PCDHA3: variants seen among roughly 807,000 people sequenced by gnomAD.
PCDHA3 encodes protocadherin alpha 3, also known as protocadherin alpha-3.
Under a neutral mutation model 62.2 loss-of-function variants are expected in PCDHA3, and 41 were observed. The ratio of observed to expected loss-of-function variants is 0.66; its 90% CI spans 0.51 to 0.86. The LOEUF is 0.86. Among genes scored for constraint, PCDHA3 ranks in the 40% least tolerant of loss-of-function variants. The pLI is 0.00. For missense variants in PCDHA3, 1,304 were observed against 1,241.2 expected, an observed-to-expected ratio of 1.05 and a Z score of -0.76; for synonymous variants, 640 against 555.4, an observed-to-expected ratio of 1.15 and a Z score of -2.14.
At chr5:140,821,734 G>A in intron 1 of PCDHA3, 5 of 1,534,086 alleles carry the variant, frequency 3.3e-6, no homozygotes, top group Non-Finnish European at 4.4e-6. Flanking sequence ...AATACATTGT[G>A]TGGTGATGCA....
chr5:140,801,300 G>C lies in PCDHA3; in HGVS notation c.103G>C (p.Val35Leu), dbSNP rs1554121379. ...GGGGAGCGGCCAGCTCCACTACTCC[G>C]TCTCTGAGGAGGCCAAGCATGGCAC... is the stretch of plus-strand genomic sequence containing the variant. ...EVGSGQLHYS[V>L]SEEAKHGTFV... The change falls in exon 1 of 4, where the codon GTC (valine) becomes CTC (leucine). Residue 35 changes from valine to leucine, a missense_variant. Val to Leu is a conservative substitution (Grantham distance 32). Coordinates refer to ENST00000522353, the MANE Select transcript of PCDHA3 (RefSeq NM_018906.3). 6.2e-7 allele frequency: 1 copy of C among 1,613,456 alleles called. No individual in the cohort carries two copies. The highest frequency in any genetic ancestry group is 8.5e-7 in the Non-Finnish European group (1 of 1,179,926).
At chr5:140,898,701 A>G (rs1216294301) in intron 1 of PCDHA3, among the ~76,000 whole-genome samples, 2 of 152,102 alleles carry the variant, frequency 1.3e-5, no homozygotes, top group African/African-American at 4.8e-5. Context: ...ATGAACTTTA[A>G]AGTAGTTTTT....
At chr5:140,842,005 G>T in intron 1 of PCDHA3, 1 of 1,613,756 alleles carries the variant, frequency 6.2e-7, no homozygotes, top group Admixed American at 1.7e-5. Flanking sequence ...CTGTTCAGCT[G>T]CTGGTCACAG....
At chr5:140,937,836 T>C (rs2091788765) in intron 1 of PCDHA3, among the ~76,000 whole-genome samples, 1 of 150,366 alleles carries the variant, frequency 6.7e-6, no homozygotes, top group Non-Finnish European at 1.5e-5. Flanking sequence ...GGCATGAACC[T>C]GGAAGGCGGA....
At position 140,882,350 on chromosome 5, in the gene PCDHA3, A is replaced by G. The variant is rs782733540; in HGVS notation, c.2394+78759A>G. ...GATCCTCGCAGCCTGGGAGACGGGT[A>G]GTGGCCAGCTCCACTACTCCGTCCC... is the stretch of plus-strand genomic sequence containing the variant. On this transcript the variant is annotated intron_variant, in intron 1 of 3. Transcript: ENST00000522353. The G allele has an allele frequency of 1.9e-6, 3 of 1,614,176 alleles. No individual in the cohort carries two copies. In the Admixed American group the frequency reaches 5.0e-5, roughly 27 times the overall value.
chr5:141,003,057 TCCA>T (rs2098109750), intron 3 of PCDHA3, among the ~76,000 whole-genome samples: 1 of 152,194 alleles, frequency 6.6e-6, no homozygotes, highest in African/African-American at 2.4e-5. Context: ...ACAGAACAGT[TCCA>T]AATGCAGATG....
At chr5:140,820,574 T>A (rs1766784523) in intron 1 of PCDHA3, among the ~76,000 whole-genome samples, 1 of 152,082 alleles carries the variant, frequency 6.6e-6, no homozygotes. Flanking sequence ...TGCCCATATT[T>A]ATTAAGTGAA....
At chr5:140,870,277 G>T (rs367959983) in intron 1 of PCDHA3, 4 of 1,614,168 alleles carry the variant, frequency 2.5e-6, no homozygotes, top group Non-Finnish European at 3.4e-6. Context: ...GACGCCCCAC[G>T]TTCCCTTCAA....
At chr5:140,927,395 A>G (rs782188555) in intron 1 of PCDHA3, 3 of 1,614,194 alleles carry the variant, frequency 1.9e-6, no homozygotes, top group South Asian at 2.2e-5. Context: ...CCCAGTCAGC[A>G]CTTTCGCCTG....
At chr5:140,891,428 C>G (rs2063097176) in intron 1 of PCDHA3, among the ~76,000 whole-genome samples, 1 of 149,620 alleles carries the variant, frequency 6.7e-6, no homozygotes, top group Admixed American at 6.7e-5. Flanking sequence ...CCCCAAGTCC[C>G]CAACGTCCAT....
At chr5:140,831,544 T>A (rs2150108470) in intron 1 of PCDHA3, among the ~76,000 whole-genome samples, 1 of 122,808 alleles carries the variant, frequency 8.1e-6, no homozygotes, top group Non-Finnish European at 1.7e-5. Flanking sequence ...TTTTTTTTTT[T>A]AAGAGATGGG....
chr5:140,935,501 A>G (rs1337847677), intron 1 of PCDHA3, among the ~76,000 whole-genome samples: 1 of 152,250 alleles, frequency 6.6e-6, no homozygotes, highest in East Asian at 1.9e-4. Context: ...GCACATCCTT[A>G]CAAATGCCCA....
intron 1 of PCDHA3, chr5:140,827,870 T>A: frequency 1.6e-6 from 1 of 629,348 alleles, no homozygotes; most frequent in Non-Finnish European, 2.7e-6. Flanking sequence ...GGTATAGCAC[T>A]GTTACGTGAA....
intron 2 of PCDHA3, 155 bp downstream of exon 2, chr5:140,979,162 T>C: frequency 2.1e-6 from 2 of 975,444 alleles, no homozygotes; most frequent in Non-Finnish European, 2.4e-6. Context: ...TGTTTATTCC[T>C]TGAAAGATCG....
chr5:140,992,017 C>CTGTG (rs10602499), intron 3 of PCDHA3, among the ~76,000 whole-genome samples: 5,022 of 145,578 alleles, frequency 0.034, 175 homozygotes, highest in African/African-American at 0.093. Context: ...AGAGGTGGCT[C>CTGTG]TGTGTGTGTG....
At chr5:140,823,678 T>A in intron 1 of PCDHA3, 1 of 1,613,954 alleles carries the variant, frequency 6.2e-7, no homozygotes, top group South Asian at 1.1e-5. Flanking sequence ...CACAACACGC[T>A]CTCTGGATGA....
chr5:140,877,674 G>C, intron 1 of PCDHA3: 2 of 1,613,630 alleles, frequency 1.2e-6, no homozygotes, highest in East Asian at 4.5e-5. Context: ...GGTGCGCGCC[G>C]GGCAAGCCCA....
chr5:140,947,543 G>A (rs1013985097), intron 1 of PCDHA3, among the ~76,000 whole-genome samples: 1 of 151,548 alleles, frequency 6.6e-6, no homozygotes, highest in African/African-American at 2.4e-5. Context: ...TTTCTACAAA[G>A]AATTCCGCTG....
chr5:140,929,580 T>A (rs1035039235), intron 1 of PCDHA3: 13 of 442,122 alleles, frequency 2.9e-5, no homozygotes, highest in African/African-American at 1.0e-4. Context: ...AAAAGTAATA[T>A]GACATAAAGG....
Sources: gnomAD v4.1 joint callset for allele counts (sites outside exome capture counted in the v4.1 genomes callset) on GRCh38, gnomAD v4.1.1 for gene constraint, MANE v1.5 for transcripts, NCBI Gene and HGNC (gene_info 2026-07-23, HGNC 2026-07-21) for gene names.